PTPN13: variants seen among roughly 807,000 people sequenced by gnomAD.
PTPN13 encodes the protein protein tyrosine phosphatase non-receptor type 13, also known as tyrosine-protein phosphatase non-receptor type 13.
Under a neutral mutation model 284.0 loss-of-function variants are expected in PTPN13, and 191 were observed. That is an observed-to-expected ratio of 0.67 (90% CI 0.60 to 0.76). PTPN13 has a LOEUF of 0.76. Ranked by LOEUF, PTPN13 falls within the 30% of genes least tolerant of loss-of-function variation. The probability of loss-of-function intolerance (pLI) is 0.00; values close to 1 mark genes in which losing one functional copy is unlikely to be tolerated. For missense variants in PTPN13, 2,797 were observed against 2,939.9 expected, an observed-to-expected ratio of 0.95 and a Z score of 1.12; for synonymous variants, 986 against 1,022.3, an observed-to-expected ratio of 0.96 and a Z score of 0.68.
intron 6 of PTPN13, among the ~76,000 whole-genome samples, chr4:86,699,250 G>A (rs1426325543): frequency 1.3e-5 from 2 of 152,098 alleles, no homozygotes; most frequent in African/African-American, 4.8e-5. Flanking sequence ...AATTAGCGTG[G>A]TGGTGGGCGC....
intron 26 of PTPN13, 147 bp from the exon 27 acceptor site, chr4:86,766,284 TA>T (rs1161866882): frequency 2.3e-5 from 14 of 602,048 alleles, no homozygotes; most frequent in Non-Finnish European, 4.0e-5. Context: ...GGGAATAAAT[TA>T]AATAACATAT....
At chr4:86,619,132 C>T (rs1299962485) in intron 1 of PTPN13, among the ~76,000 whole-genome samples, 3 of 152,148 alleles carry the variant, frequency 2.0e-5, no homozygotes, top group Non-Finnish European at 4.4e-5. Flanking sequence ...CCCAGTCAGC[C>T]ACGCGATCAC....
intron 2 of PTPN13, among the ~76,000 whole-genome samples, chr4:86,657,109 CA>C (rs1030123107): frequency 1.3e-5 from 2 of 152,168 alleles, no homozygotes; most frequent in Non-Finnish European, 2.9e-5. Context: ...CCCAATTTTC[CA>C]GGTGCCATCT....
intron 46 of PTPN13, among the ~76,000 whole-genome samples, chr4:86,810,329 A>G (rs921421823): frequency 1.3e-5 from 2 of 149,508 alleles, no homozygotes; most frequent in African/African-American, 4.9e-5. Context: ...GATAGAAATA[A>G]TTGAAGCACA....
At chr4:86,681,461 A>G (rs1728882045) in intron 3 of PTPN13, among the ~76,000 whole-genome samples, 1 of 152,200 alleles carries the variant, frequency 6.6e-6, no homozygotes, top group South Asian at 2.1e-4. Flanking sequence ...ATCCTGCTAA[A>G]TATCCTGCAA....
At chr4:86,720,688 T>C (rs1050132560) in intron 9 of PTPN13, among the ~76,000 whole-genome samples, 3 of 152,186 alleles carry the variant, frequency 2.0e-5, no homozygotes, top group Admixed American at 2.0e-4. Context: ...TTTTCTTCTT[T>C]AGGTCACACA....
intron 10 of PTPN13, among the ~76,000 whole-genome samples, chr4:86,722,800 A>G (rs948234617): frequency 1.3e-5 from 2 of 152,210 alleles, no homozygotes; most frequent in Non-Finnish European, 2.9e-5. Context: ...TGGAAAGTTC[A>G]AGGTTAATTC....
intron 10 of PTPN13, among the ~76,000 whole-genome samples, chr4:86,730,072 TAGTC>T (rs1364620409): frequency 2.0e-5 from 3 of 149,774 alleles, no homozygotes; most frequent in Non-Finnish European, 4.5e-5. Flanking sequence ...TTTCTTCTAA[TAGTC>T]AGATCCCTCA....
chr4:86,716,890 A>G, intron 8 of PTPN13, 134 bp from the exon 9 acceptor site: 2 of 650,890 alleles, frequency 3.1e-6, no homozygotes, highest in Non-Finnish European at 5.2e-6. Flanking sequence ...AGAGTTTAAT[A>G]ACATTATGTC....
chr4:86,637,866 A>G (rs557176813), intron 2 of PTPN13, among the ~76,000 whole-genome samples: 2,026 of 149,778 alleles, frequency 0.014, 34 homozygotes, highest in African/African-American at 0.048. Flanking sequence ...AGGGTATTCA[A>G]TTAGGAAAAG....
chr4:86,629,836 A>T lies in PTPN13; in HGVS notation c.-5-5416A>T, dbSNP rs538011433. ...TGGAGTGGTGCAATTATAGCATTGC[A>T]GTCTCCACCTCCCAGGCTCAAGCAA... On this transcript the variant is annotated intron_variant, in intron 1 of 47. Transcript: ENST00000411767. 3.7e-3 allele frequency among the ~76,000 whole-genome samples: 564 copies of T among 152,026 alleles called. 3 individuals carry two copies. Among genetic ancestry groups the T allele is most frequent in the Middle Eastern group, 0.01 (3 of 292 alleles).
intron 10 of PTPN13, 99 bp from the exon 11 acceptor site, chr4:86,732,301 G>T: frequency 9.9e-7 from 1 of 1,012,418 alleles, no homozygotes; most frequent in South Asian, 1.7e-5. Context: ...TGATTTTGTA[G>T]TTTCATATGT....
chr4:86,635,139 G>A, intron 1 of PTPN13, 113 bp from the exon 2 acceptor site: 1 of 1,151,224 alleles, frequency 8.7e-7, no homozygotes, highest in African/African-American at 1.6e-5. Flanking sequence ...GCCATATTGA[G>A]AAATTAGGTA....
intron 1 of PTPN13, among the ~76,000 whole-genome samples, chr4:86,634,830 G>A (rs188352297): frequency 3.0e-4 from 45 of 152,256 alleles, no homozygotes; most frequent in African/African-American, 1.0e-3. Flanking sequence ...CCCTACCATG[G>A]CTGTAGGTTC....
At chr4:86,651,158 T>C (rs1475213295) in intron 2 of PTPN13, among the ~76,000 whole-genome samples, 1 of 152,210 alleles carries the variant, frequency 6.6e-6, no homozygotes, top group African/African-American at 2.4e-5. Context: ...TTTTCCAGCA[T>C]GTATTGAAAT....
At chr4:86,786,925 G>A (rs1270165485) in intron 40 of PTPN13, among the ~76,000 whole-genome samples, 1 of 152,016 alleles carries the variant, frequency 6.6e-6, no homozygotes, top group Non-Finnish European at 1.5e-5. Context: ...CCAACATGGT[G>A]AAACCCTGTC....
At chr4:86,776,704 C>CA (rs1740691871) in intron 35 of PTPN13, among the ~76,000 whole-genome samples, 2 of 152,214 alleles carry the variant, frequency 1.3e-5, no homozygotes, top group South Asian at 4.1e-4. Flanking sequence ...ACATTACTTA[C>CA]ATTACATTAT....
At chr4:86,635,826 A>G (rs535786130) in intron 2 of PTPN13, among the ~76,000 whole-genome samples, 1 of 152,034 alleles carries the variant, frequency 6.6e-6, no homozygotes, top group South Asian at 2.1e-4. Context: ...TAGCCGGTGT[A>G]GTGGTGGGCA....
intron 2 of PTPN13, among the ~76,000 whole-genome samples, chr4:86,644,644 T>C (rs1724203283): frequency 6.6e-6 from 1 of 152,092 alleles, no homozygotes; most frequent in Non-Finnish European, 1.5e-5. Context: ...ATCAGACAAA[T>C]ACATTAGAGA....
Sources: allele counts gnomAD v4.1 joint callset (sites outside exome capture counted in the v4.1 genomes callset), GRCh38; gene constraint gnomAD v4.1.1; transcripts MANE v1.5; gene names NCBI Gene and HGNC (gene_info 2026-07-23, HGNC 2026-07-21).